Variants in CNR2 observed in about 807,000 individuals in gnomAD.
CNR2 encodes the protein cannabinoid receptor 2 (macrophage).
For missense variants in CNR2, 379 were observed against 439.9 expected, an observed-to-expected ratio of 0.86 and a Z score of 1.24; for synonymous variants, 172 against 182.2, an observed-to-expected ratio of 0.94 and a Z score of 0.45.
chr1:23,898,705 T>A (rs1459485172), intron 1 of CNR2, among the ~76,000 whole-genome samples: 3 of 126,988 alleles, frequency 2.4e-5, no homozygotes, highest in Non-Finnish European at 3.1e-5. Flanking sequence ...CAGGCTGGAG[T>A]GCAGTGGCAC....
chr1:23,901,709 G>A (rs1247231089), intron 1 of CNR2: 45 of 1,417,300 alleles, frequency 3.2e-5, no homozygotes, highest in Non-Finnish European at 4.3e-5. Context: ...GGATCTGTCC[G>A]ACATGAATTT....
chr1:23,882,395 G>T (rs7532916), intron 1 of CNR2, among the ~76,000 whole-genome samples: 110,179 of 151,704 alleles, frequency 0.73, 40,763 homozygotes, highest in Middle Eastern at 0.79. Context: ...CAATTCCTGG[G>T]TCAAAAATTC....
chr1:23,902,848 G>T, intron 1 of CNR2: 1 of 1,226,916 alleles, frequency 8.2e-7, no homozygotes, highest in Non-Finnish European at 1.0e-6. Context: ...TGCCCACGGC[G>T]GCGCCGGCGT....
chr1:23,906,403 C>G (rs1305459600), intron 1 of CNR2, among the ~76,000 whole-genome samples: 1 of 151,948 alleles, frequency 6.6e-6, no homozygotes, highest in Non-Finnish European at 1.5e-5. Flanking sequence ...CCAGTGGAAA[C>G]TACTCGAGCC....
At chr1:23,907,080 A>G (rs1324638577) in intron 1 of CNR2, 2 of 151,992 alleles carry the variant, frequency 1.3e-5, no homozygotes, top group Admixed American at 1.3e-4. Context: ...AAGAAAGTTG[A>G]TCAGATAAAT....
At chr1:23,904,654 G>T (rs1036149328) in intron 1 of CNR2, among the ~76,000 whole-genome samples, 1 of 152,134 alleles carries the variant, frequency 6.6e-6, no homozygotes, top group Non-Finnish European at 1.5e-5. Context: ...CGGGAAGTAT[G>T]CATTTGTCTG....
At chr1:23,898,347 T>C (rs1640324193) in intron 1 of CNR2, among the ~76,000 whole-genome samples, 1 of 127,706 alleles carries the variant, frequency 7.8e-6, no homozygotes, top group Non-Finnish European at 1.6e-5. Context: ...TTTTTTTTTT[T>C]TTTTTTTTTT....
chr1:23,891,275 TTGTGTGTGTGTGTGTG>T (rs57856234), intron 1 of CNR2, among the ~76,000 whole-genome samples: 3 of 150,384 alleles, frequency 2.0e-5, no homozygotes, highest in Non-Finnish European at 3.0e-5. Context: ...ACCAAATCTT[TTGTGTGTGTGTGTGTG>T]TGTGTGTGTG....
intron 1 of CNR2, among the ~76,000 whole-genome samples, chr1:23,883,045 C>A (rs1640019948): frequency 6.6e-6 from 1 of 152,104 alleles, no homozygotes; most frequent in African/African-American, 2.4e-5. Context: ...TAGATGACCA[C>A]AGGCAAGATT....
chr1:23,883,385 G>A (rs531383498), intron 1 of CNR2, among the ~76,000 whole-genome samples: 29 of 152,358 alleles, frequency 1.9e-4, no homozygotes, highest in African/African-American at 6.3e-4. Flanking sequence ...AGGGAGGCAT[G>A]TACAAGAATG....
chr1:23,883,857 CA>C (rs1386594954), intron 1 of CNR2, among the ~76,000 whole-genome samples: 2 of 148,238 alleles, frequency 1.3e-5, no homozygotes, highest in East Asian at 1.9e-4. Flanking sequence ...AAAACAAAAA[CA>C]AAAAAACCCC....
In CNR2 at chr1:23,875,344, C is replaced by T. The variant is rs772338354; in HGVS notation, c.274G>A (p.Val92Met). 1 of 1,614,224 alleles carries T rather than the reference C, an allele frequency of 6.2e-7. No individual in the cohort carries two copies. Among genetic ancestry groups the T allele is most frequent in the Admixed American group, 1.7e-5 (1 of 60,024 alleles). Residue 92 changes from valine to methionine, a missense_variant, in exon 2 of 2, where the codon GTG becomes ATG. Coordinates refer to ENST00000374472, the MANE Select transcript of CNR2 (RefSeq NM_001841.3). ...ACACCATGGAAAACATGGAAATTCACAAAGCTGCATGCAAAGACCACACTG... is the reference window on the plus strand; with the variant it reads ...ACACCATGGAAAACATGGAAATTCATAAAGCTGCATGCAAAGACCACACTG... ...LASVVFACSF[V>M]NFHVFHGVDS... is the part of the protein sequence containing the mutation.
chr1:23,878,929 T>G (rs536031734), intron 1 of CNR2, among the ~76,000 whole-genome samples: 1 of 152,178 alleles, frequency 6.6e-6, no homozygotes, highest in Non-Finnish European at 1.5e-5. Flanking sequence ...TCTAAAAAAT[T>G]CAAAGAAAAT....
At chr1:23,902,177 T>C in intron 1 of CNR2, 1 of 1,391,638 alleles carries the variant, frequency 7.2e-7, no homozygotes, top group Non-Finnish European at 1.0e-6. Context: ...TTGGCCCAGT[T>C]CAGGACGGCC....
chr1:23,875,722 C>T (rs1034920696), intron 1 of CNR2, 60 bp from the exon 2 acceptor site: 1 of 1,371,398 alleles, frequency 7.3e-7, no homozygotes, highest in Non-Finnish European at 9.8e-7. Context: ...ATGACCTCAC[C>T]TGATAACTGA....
At chr1:23,911,916 G>A (rs906664568) in intron 1 of CNR2, among the ~76,000 whole-genome samples, 5 of 152,134 alleles carry the variant, frequency 3.3e-5, no homozygotes, top group African/African-American at 1.2e-4. Flanking sequence ...CCTCCATCCT[G>A]GTTTTCATGC....
chr1:23,881,746 T>C (rs12727568), intron 1 of CNR2, among the ~76,000 whole-genome samples: 131,876 of 151,176 alleles, frequency 0.87, 57,905 homozygotes, highest in Middle Eastern at 0.93. Context: ...AAAAATTAGC[T>C]GGGCATGGTG....
chr1:23,907,979 T>TA (rs1640524237), intron 1 of CNR2: 2 of 116,560 alleles, frequency 1.7e-5, no homozygotes, highest in African/African-American at 6.4e-5. Context: ...CACTAACTAC[T>TA]GCTTTTTTTT....
intron 1 of CNR2, among the ~76,000 whole-genome samples, chr1:23,876,834 C>CAA (rs72220399): frequency 1.7e-5 from 2 of 120,248 alleles, no homozygotes; most frequent in Non-Finnish European, 3.5e-5. Flanking sequence ...GACTCTGTCT[C>CAA]AAAAAAAAAA....
Sources: gnomAD v4.1 joint callset for allele counts (sites outside exome capture counted in the v4.1 genomes callset) on GRCh38, gnomAD v4.1.1 for gene constraint, MANE v1.5 for transcripts, NCBI Gene and HGNC (gene_info 2026-07-23, HGNC 2026-07-21) for gene names.